Variants in ZDHHC14 observed in about 807,000 individuals in gnomAD.
ZDHHC14 encodes the protein zDHHC palmitoyltransferase 14.
Under a neutral mutation model 47.7 loss-of-function variants are expected in ZDHHC14, and 16 were observed. The ratio of observed to expected loss-of-function variants is 0.34; its 90% CI spans 0.23 to 0.51. The LOEUF (loss-of-function observed/expected upper bound fraction) is 0.51. Among genes scored for constraint, ZDHHC14 ranks in the 20% least tolerant of loss-of-function variants. The pLI is 0.97. For missense variants in ZDHHC14, 515 were observed against 662.5 expected (o/e 0.78, Z 2.44); for synonymous variants, 293 against 278.9 (o/e 1.05, Z -0.50).
At position 157,381,585 on chromosome 6, in the gene ZDHHC14, G is replaced by C. The variant is rs1180410218; in HGVS notation, c.-437G>C. The C allele has an allele frequency of 5.0e-6, 2 of 398,602 alleles. No homozygotes were observed. The highest frequency in any genetic ancestry group is 1.7e-5 in the South Asian group (1 of 59,242). The allele number at this position is 398,602 out of a possible 1,614,324, so 24.7% of individuals were successfully genotyped here. A position where few individuals can be genotyped will look rare whatever the true frequency, so the allele number is the denominator to read the frequency against. ...TGGCTCCCGAGGAAGCCGGCGCCGG[G>C]GCCGCCGCCTCGTGTCCCCTCGGGG... On this transcript the variant is annotated 5_prime_UTR_variant, in exon 1 of 9. Coordinates refer to ENST00000359775, the MANE Select transcript of ZDHHC14 (RefSeq NM_024630.3).
At chr6:157,592,557 G>A (rs1017241050) in intron 2 of ZDHHC14, among the ~76,000 whole-genome samples, 4 of 152,186 alleles carry the variant, frequency 2.6e-5, no homozygotes, top group African/African-American at 9.7e-5. Context: ...CAGGTTTAAG[G>A]CAGGAGTCTG....
chr6:157,442,677 G>T (rs559592816), intron 1 of ZDHHC14, among the ~76,000 whole-genome samples: 2 of 152,300 alleles, frequency 1.3e-5, no homozygotes, highest in East Asian at 3.9e-4. Context: ...AGGGCACGAG[G>T]TTACGTGCTG....
chr6:157,481,816 T>TTCTA (rs201184690), intron 1 of ZDHHC14, among the ~76,000 whole-genome samples: 2 of 152,110 alleles, frequency 1.3e-5, no homozygotes, highest in South Asian at 2.1e-4. Flanking sequence ...AATTGTTTCT[T>TTCTA]TCTATCTATC....
At chr6:157,604,310 A>C (rs2114912086) in intron 3 of ZDHHC14, among the ~76,000 whole-genome samples, 1 of 149,674 alleles carries the variant, frequency 6.7e-6, no homozygotes, top group Admixed American at 6.6e-5. Context: ...AAAAAAAGTA[A>C]TCTAGAGTTG....
At chr6:157,664,051 A>AT (rs746806545) in intron 8 of ZDHHC14, among the ~76,000 whole-genome samples, 69 of 152,192 alleles carry the variant, frequency 4.5e-4, no homozygotes, top group Non-Finnish European at 8.2e-4. Context: ...GTGTAAAGTG[A>AT]TTTTCAGCCA....
intron 1 of ZDHHC14, among the ~76,000 whole-genome samples, chr6:157,488,267 C>T (rs1228646498): frequency 6.6e-6 from 1 of 152,158 alleles, no homozygotes; most frequent in Non-Finnish European, 1.5e-5. Flanking sequence ...TTCTCTACTC[C>T]ACTGTGATCA....
At chr6:157,446,678 C>T (rs574760752) in intron 1 of ZDHHC14, among the ~76,000 whole-genome samples, 28 of 151,950 alleles carry the variant, frequency 1.8e-4, no homozygotes, top group African/African-American at 6.5e-4. Flanking sequence ...CCAGAGTGTT[C>T]GGATTAGAGG....
chr6:157,549,460 G>A (rs1471086125), intron 2 of ZDHHC14, among the ~76,000 whole-genome samples: 2 of 152,158 alleles, frequency 1.3e-5, no homozygotes, highest in Admixed American at 1.3e-4. Flanking sequence ...GAGTCCCATC[G>A]TGCCGGACAT....
At chr6:157,562,163 G>C (rs997937023) in intron 2 of ZDHHC14, among the ~76,000 whole-genome samples, 2 of 152,174 alleles carry the variant, frequency 1.3e-5, no homozygotes, top group African/African-American at 2.4e-5. Flanking sequence ...GGGGGCGTAG[G>C]GGCTGTGGGG....
At chr6:157,541,442 C>T (rs1781761111) in intron 1 of ZDHHC14, among the ~76,000 whole-genome samples, 1 of 152,152 alleles carries the variant, frequency 6.6e-6, no homozygotes, top group Admixed American at 6.5e-5. Context: ...AGACCAAGAG[C>T]CCTGTCTGCT....
chr6:157,382,403 T>G, intron 1 of ZDHHC14, 137 bp downstream of exon 1: 2 of 1,084,846 alleles, frequency 1.8e-6, no homozygotes, highest in South Asian at 1.6e-5. Flanking sequence ...GCGCTCCCTC[T>G]TTTTTCTTTT....
chr6:157,490,576 A>G (rs910402121), intron 1 of ZDHHC14, among the ~76,000 whole-genome samples: 3 of 152,256 alleles, frequency 2.0e-5, no homozygotes, highest in Non-Finnish European at 2.9e-5. Context: ...TGAATTGTGT[A>G]TGAGATGCTG....
chr6:157,545,026 A>G (rs1781916968), intron 2 of ZDHHC14, among the ~76,000 whole-genome samples: 1 of 152,246 alleles, frequency 6.6e-6, no homozygotes, highest in Admixed American at 6.5e-5. Context: ...AAGCAATAAA[A>G]GGGAAGAAAA....
At position 157,472,389 on chromosome 6, in the gene ZDHHC14, T is replaced by C. The variant is rs141203128; in HGVS notation, c.246-70196T>C. On this transcript the variant is annotated intron_variant, in intron 1 of 8. Coordinates refer to ENST00000359775, the MANE Select transcript of ZDHHC14 (RefSeq NM_024630.3). ...CTGGGATGGTCCCTCCACAGGGAGA[T>C]AAATGTTTATCCAGCAGGTGCACGT... 2.0e-5 allele frequency among the ~76,000 whole-genome samples: 3 copies of C among 152,118 alleles called. No homozygotes were observed. In the East Asian group the frequency reaches 5.9e-4, roughly 30 times the overall value.
At chr6:157,512,540 T>C (rs1780532499) in intron 1 of ZDHHC14, among the ~76,000 whole-genome samples, 1 of 152,170 alleles carries the variant, frequency 6.6e-6, no homozygotes, top group African/African-American at 2.4e-5. Context: ...AACAATAAAT[T>C]GCTTATTTAG....
At chr6:157,434,950 A>G (rs1255745783) in intron 1 of ZDHHC14, among the ~76,000 whole-genome samples, 12 of 152,236 alleles carry the variant, frequency 7.9e-5, no homozygotes. Context: ...CAAAGCTTTT[A>G]GAGAACACAC....
chr6:157,405,919 A>G (rs1257381125), intron 1 of ZDHHC14, among the ~76,000 whole-genome samples: 1 of 152,188 alleles, frequency 6.6e-6, no homozygotes, highest in Non-Finnish European at 1.5e-5. Context: ...TGGGCTATAA[A>G]TGGGGAATTC....
Position 157,579,205 on chromosome 6 carries a change from T to G in ZDHHC14, c.407-13783T>G, listed in dbSNP as rs1783425076. ...TTGATTCTGTGTTTTTTTTTTTTTT[T>G]TTTTTTTTTTTGGATGGAGTCTCAC... On this transcript the variant is annotated intron_variant, in intron 2 of 8. Transcript: ENST00000359775. 4.5e-5 allele frequency among the ~76,000 whole-genome samples: 6 copies of G among 133,974 alleles called. No homozygotes were observed. The South Asian group carries it at 1.5e-3, about 34-fold the overall frequency. 87.9% of individuals were successfully genotyped at this position (133,974 alleles called of 152,430 possible). A position where few individuals can be genotyped will look rare whatever the true frequency, so the allele number is the denominator to read the frequency against.
rs1021789220 is a variant in ZDHHC14 at position 157,592,824 on chromosome 6, C to A, written c.407-164C>A. On this transcript the variant is annotated intron_variant, in intron 2 of 8. Transcript: ENST00000359775. ...GCAACGAAGGAGGCCGGGGTCCCAG[C>A]GGAGGGTGAGTCCCAGAGCCCCAGC... 7.0e-6 allele frequency: 10 copies of A among 1,435,062 alleles called. No homozygotes were observed. In the Admixed American group the frequency reaches 1.9e-4, roughly 27 times the overall value. 88.9% of individuals were successfully genotyped at this position (1,435,062 alleles called of 1,614,324 possible).
Sources: allele counts gnomAD v4.1 joint callset (sites outside exome capture counted in the v4.1 genomes callset), GRCh38; gene constraint gnomAD v4.1.1; transcripts MANE v1.5; gene names NCBI Gene and HGNC (gene_info 2026-07-23, HGNC 2026-07-21).